The following FGF14 variants were observed in gnomAD, a reference collection of about 807,000 sequenced individuals.
FGF14 encodes fibroblast growth factor 14.
In FGF14, 5 loss-of-function variants were observed where a neutral mutation model predicts 25.5. The observed-to-expected ratio is 0.20, with a 90% CI of 0.10 to 0.41. FGF14 has a LOEUF of 0.41. Among genes scored for constraint, FGF14 ranks in the 10% least tolerant of loss-of-function variants. FGF14 has a pLI of 1.00. For missense variants in FGF14, 222 were observed against 320.1 expected (o/e 0.69, Z 2.34); for synonymous variants, 138 against 118.3 (o/e 1.17, Z -1.08).
At chr13:102,116,503 CTGA>C (rs1358937068) in intron 1 of FGF14, among the ~76,000 whole-genome samples, 1 of 152,058 alleles carries the variant, frequency 6.6e-6, no homozygotes, top group East Asian at 1.9e-4. Flanking sequence ...AAATAAATTT[CTGA>C]TGTTATGTCA....
chr13:101,875,321 A>G (rs755044357), intron 1 of FGF14, 25 bp from the exon 2 acceptor site: 13 of 1,478,270 alleles, frequency 8.8e-6, no homozygotes, highest in Non-Finnish European at 1.2e-5. Flanking sequence ...TAGTTATCAT[A>G]AGCCTCACAA....
At chr13:101,983,714 A>G (rs1214760949) in intron 1 of FGF14, among the ~76,000 whole-genome samples, 1 of 152,162 alleles carries the variant, frequency 6.6e-6, no homozygotes, top group South Asian at 2.1e-4. Context: ...GTTAGTATTG[A>G]CAGAATAAAT....
At chr13:102,194,441 C>CTG (rs2049262155) in intron 1 of FGF14, among the ~76,000 whole-genome samples, 1 of 138,386 alleles carries the variant, frequency 7.2e-6, no homozygotes, top group South Asian at 2.1e-4. Context: ...CACTGCCCCC[C>CTG]TGACAGGCCC....
intron 1 of FGF14, among the ~76,000 whole-genome samples, chr13:102,150,536 C>T (rs2047039678): frequency 6.6e-6 from 1 of 152,132 alleles, no homozygotes; most frequent in Non-Finnish European, 1.5e-5. Context: ...CGTTATTTGT[C>T]CTATGATTCC....
intron 1 of FGF14, among the ~76,000 whole-genome samples, chr13:102,241,081 C>T (rs2051574104): frequency 6.6e-6 from 1 of 151,970 alleles, no homozygotes; most frequent in Admixed American, 6.6e-5. Flanking sequence ...CAGGAAAACA[C>T]AAATTAAAAG....
chr13:102,054,311 A>G (rs1398267876), intron 1 of FGF14, among the ~76,000 whole-genome samples: 1 of 151,320 alleles, frequency 6.6e-6, no homozygotes, highest in East Asian at 1.9e-4. Context: ...TATTTAGAGG[A>G]GTTCCCTCCT....
At chr13:101,993,474 A>G (rs944038730) in intron 1 of FGF14, among the ~76,000 whole-genome samples, 4 of 152,046 alleles carry the variant, frequency 2.6e-5, no homozygotes, top group African/African-American at 9.7e-5. Context: ...AACAGATAAC[A>G]GATTTTTCAA....
intron 1 of FGF14, among the ~76,000 whole-genome samples, chr13:101,962,224 C>A (rs2036902293): frequency 6.6e-6 from 1 of 152,120 alleles, no homozygotes; most frequent in Admixed American, 6.5e-5. Flanking sequence ...TGTGTCCTCT[C>A]TGATTTCCTT....
chr13:102,177,904 A>G (rs550851745), intron 1 of FGF14, among the ~76,000 whole-genome samples: 2 of 152,234 alleles, frequency 1.3e-5, no homozygotes, highest in South Asian at 2.1e-4. Context: ...TATATCTTCA[A>G]TAAGTATATA....
chr13:101,920,756 A>G (rs1163792521), upstream of FGF14, among the ~76,000 whole-genome samples: 1 of 152,218 alleles, frequency 6.6e-6, no homozygotes, highest in Non-Finnish European at 1.5e-5. Context: ...TTTTGACGAA[A>G]TAAGTCCCAA....
At chr13:101,923,178 G>A (rs1746490377) in intron 1 of FGF14, among the ~76,000 whole-genome samples, 2 of 151,922 alleles carry the variant, frequency 1.3e-5, no homozygotes, top group African/African-American at 4.8e-5. Context: ...GTACTTGATC[G>A]TTTTCATACA....
chr13:102,109,745 G>T (rs997317975), intron 1 of FGF14, among the ~76,000 whole-genome samples: 1 of 152,054 alleles, frequency 6.6e-6, no homozygotes, highest in Non-Finnish European at 1.5e-5. Flanking sequence ...TCAGCCTCCT[G>T]AGTAGCTGGG....
intron 1 of FGF14, among the ~76,000 whole-genome samples, chr13:101,933,628 G>A (rs2034908226): frequency 1.3e-5 from 2 of 152,170 alleles, no homozygotes; most frequent in Non-Finnish European, 1.5e-5. Flanking sequence ...GGAGGCTGAG[G>A]CGGCAGAATC....
At chr13:101,921,941 C>A (rs191592148), upstream of FGF14, among the ~76,000 whole-genome samples, 2 of 152,154 alleles carry the variant, frequency 1.3e-5, no homozygotes, top group Non-Finnish European at 2.9e-5. Flanking sequence ...CTACATAGCA[C>A]GTACAACTTT....
intron 1 of FGF14, among the ~76,000 whole-genome samples, chr13:101,990,294 T>A (rs1162210197): frequency 6.6e-6 from 1 of 152,074 alleles, no homozygotes; most frequent in Non-Finnish European, 1.5e-5. Context: ...AACTACAGAT[T>A]TATTGGGTTT....
At chr13:102,368,350 C>T (rs957561615) in intron 1 of FGF14, among the ~76,000 whole-genome samples, 4 of 151,956 alleles carry the variant, frequency 2.6e-5, no homozygotes, top group Non-Finnish European at 4.4e-5. Flanking sequence ...GCAAAAAAAT[C>T]GAAATAATAT....
At chr13:102,159,150 AAAAAAAAG>A (rs1462924313) in intron 1 of FGF14, among the ~76,000 whole-genome samples, 1,777 of 150,688 alleles carry the variant, frequency 0.012, 36 homozygotes, top group African/African-American at 0.042. Flanking sequence ...AAAAAAAAAA[AAAAAAAAG>A]AAAAGAAAAG....
intron 1 of FGF14, among the ~76,000 whole-genome samples, chr13:102,397,484 C>T (rs963455132): frequency 4.6e-5 from 7 of 152,302 alleles, no homozygotes; most frequent in South Asian, 2.1e-4. Context: ...GCGTCTGCTT[C>T]GTACTAACAC....
intron 1 of FGF14, among the ~76,000 whole-genome samples, chr13:102,000,838 A>G (rs1230820724): frequency 1.3e-5 from 2 of 152,202 alleles, no homozygotes; most frequent in African/African-American, 4.8e-5. Context: ...GTGATAGAAA[A>G]TGCCAATGGA....
Sources: gnomAD v4.1 joint callset for allele counts (sites outside exome capture counted in the v4.1 genomes callset) on GRCh38, gnomAD v4.1.1 for gene constraint, MANE v1.5 for transcripts, NCBI Gene and HGNC (gene_info 2026-07-23, HGNC 2026-07-21) for gene names.